The following HDAC9 variants were observed in gnomAD, a reference collection of about 807,000 sequenced individuals.
HDAC9 encodes MEF-2 interacting transcription repressor (MITR) protein.
Under a neutral mutation model 139.4 loss-of-function variants are expected in HDAC9, and 41 were observed. The observed-to-expected ratio is 0.29, with a 90% CI of 0.23 to 0.38. The LOEUF (loss-of-function observed/expected upper bound fraction) is 0.38. Among genes scored for constraint, HDAC9 ranks in the 10% least tolerant of loss-of-function variants. The probability of loss-of-function intolerance (pLI) is 1.00; values close to 1 mark genes in which losing one functional copy is unlikely to be tolerated. For missense variants in HDAC9, 1,147 were observed against 1,297.0 expected (o/e 0.88, Z 1.78); for synonymous variants, 517 against 476.2 (o/e 1.09, Z -1.12).
intron 9 of HDAC9, among the ~76,000 whole-genome samples, chr7:18,646,024 C>T (rs1295965934): frequency 6.6e-6 from 1 of 151,928 alleles, no homozygotes; most frequent in East Asian, 1.9e-4. Flanking sequence ...TTCAGCTATG[C>T]TCTTAAAATT....
At chr7:18,153,747 A>C (rs1435798984) in intron 1 of HDAC9, among the ~76,000 whole-genome samples, 1 of 152,202 alleles carries the variant, frequency 6.6e-6, no homozygotes, top group Non-Finnish European at 1.5e-5. Context: ...GATAAGGAGT[A>C]AACAGAATCA....
chr7:18,463,628 C>T (rs1257499338), intron 1 of HDAC9, among the ~76,000 whole-genome samples: 1 of 151,542 alleles, frequency 6.6e-6, no homozygotes. Flanking sequence ...CTGCAGTTAC[C>T]TTTTTAAAAA....
intron 2 of HDAC9, among the ~76,000 whole-genome samples, chr7:18,222,554 TA>T (rs1488276870): frequency 3.3e-5 from 5 of 152,156 alleles, no homozygotes; most frequent in African/African-American, 1.2e-4. Context: ...CAGTATACAT[TA>T]AAAAGTGAAT....
rs7795948 is a variant in HDAC9, at chr7:18,738,987, C to G, written c.1910-10018C>G. On this transcript the variant is annotated intron_variant, in intron 13 of 25. Transcript: ENST00000686413. ...TTTACTCTTTTTTCTCTAACCTTGT[C>G]TTCTCACTTCATTTCATTAATTTGA... Among the ~76,000 whole-genome samples, 405 of 152,254 alleles carry G rather than the reference C, an allele frequency of 2.7e-3. 2 individuals carry two copies. Among genetic ancestry groups the G allele is most frequent in the African/African-American group, 9.3e-3 (387 of 41,528 alleles).
chr7:18,180,387 T>G (rs1291800877), intron 2 of HDAC9, among the ~76,000 whole-genome samples: 1 of 152,190 alleles, frequency 6.6e-6, no homozygotes, highest in Non-Finnish European at 1.5e-5. Context: ...TGTTTTGTCA[T>G]TTTTGTCAAG....
chr7:18,945,888 T>C (rs549389716), intron 23 of HDAC9, among the ~76,000 whole-genome samples: 7 of 151,498 alleles, frequency 4.6e-5, no homozygotes, highest in Non-Finnish European at 7.4e-5. Context: ...AATACAAAAA[T>C]TAGCTGGGCG....
At chr7:18,330,922 A>C (rs1007946229) in intron 1 of HDAC9, among the ~76,000 whole-genome samples, 6 of 151,746 alleles carry the variant, frequency 4.0e-5, no homozygotes, top group African/African-American at 1.4e-4. Context: ...TACTAACACA[A>C]GGCAAATAAC....
chr7:18,807,850 C>T (rs1010645358), intron 17 of HDAC9: 9 of 152,120 alleles, frequency 5.9e-5, no homozygotes, highest in African/African-American at 2.2e-4. Flanking sequence ...AATGTGTAAT[C>T]TGTCCTGGAG....
chr7:18,533,926 T>A (rs1408902780), intron 2 of HDAC9, among the ~76,000 whole-genome samples: 12 of 152,176 alleles, frequency 7.9e-5, no homozygotes, highest in Admixed American at 7.9e-4. Context: ...TCAAAGAGTT[T>A]AAAATTTTTT....
chr7:18,218,048 G>A (rs1191089971), intron 2 of HDAC9, among the ~76,000 whole-genome samples: 1 of 152,170 alleles, frequency 6.6e-6, no homozygotes, highest in Non-Finnish European at 1.5e-5. Context: ...ATTGGCAAAA[G>A]ATGTTGGTTT....
chr7:18,805,488 A>C (rs1311608125), intron 17 of HDAC9, among the ~76,000 whole-genome samples: 3 of 152,184 alleles, frequency 2.0e-5, no homozygotes, highest in Non-Finnish European at 4.4e-5. Flanking sequence ...ACAGATGCAA[A>C]AACTGTTGGT....
chr7:18,463,440 CTATT>C (rs1794017123), intron 1 of HDAC9, among the ~76,000 whole-genome samples: 1 of 151,880 alleles, frequency 6.6e-6, no homozygotes, highest in African/African-American at 2.4e-5. Flanking sequence ...TTCAAATACT[CTATT>C]TACTTATATG....
At chr7:18,197,762 T>C (rs928824244) in intron 2 of HDAC9, among the ~76,000 whole-genome samples, 4 of 152,208 alleles carry the variant, frequency 2.6e-5, no homozygotes, top group Non-Finnish European at 4.4e-5. Context: ...TTCCCTAGCT[T>C]TAAGTGTTGT....
intron 25 of HDAC9, among the ~76,000 whole-genome samples, chr7:18,982,347 C>T (rs908127574): frequency 6.6e-6 from 1 of 152,088 alleles, no homozygotes; most frequent in African/African-American, 2.4e-5. Flanking sequence ...CAATACTTTT[C>T]CATTTCCATT....
intron 11 of HDAC9, among the ~76,000 whole-genome samples, chr7:18,658,625 T>G (rs1300185480): frequency 6.6e-6 from 1 of 152,106 alleles, no homozygotes; most frequent in Non-Finnish European, 1.5e-5. Flanking sequence ...TAATTTTGGT[T>G]CATCTGATTA....
Position 18,957,656 on chromosome 7 carries a change from C to A in HDAC9, c.3022+3426C>A, listed in dbSNP as rs192784842. On this transcript the variant is annotated intron_variant, in intron 24 of 25. Transcript: ENST00000686413. ...GGAGGGTAACAGCAAAGCACTGAAC[C>A]AAGCATGGGGTCTTTCTGAGAGTGG... is the stretch of plus-strand genomic sequence containing the variant. Among the ~76,000 whole-genome samples the A allele has an allele frequency of 2.8e-3, 433 of 152,194 alleles. 2 individuals carry two copies. The highest frequency in any genetic ancestry group is 9.8e-3 in the African/African-American group (406 of 41,536).
chr7:18,826,670 GT>G (rs146895865), intron 17 of HDAC9, among the ~76,000 whole-genome samples: 8 of 129,652 alleles, frequency 6.2e-5, no homozygotes, highest in Admixed American at 1.5e-4. Flanking sequence ...TTTTGGTTTT[GT>G]TTTTTTTTTA....
At chr7:18,917,640 C>A (rs1803324374) in intron 22 of HDAC9, among the ~76,000 whole-genome samples, 1 of 151,910 alleles carries the variant, frequency 6.6e-6, no homozygotes, top group Non-Finnish European at 1.5e-5. Context: ...TCTCCAGCAA[C>A]CATTTGCTGC....
chr7:18,207,539 C>CTTTTTTTTTTGTTTTTTTTTTTTT (rs1791616754), intron 2 of HDAC9, among the ~76,000 whole-genome samples: 1 of 53,730 alleles, frequency 1.9e-5, no homozygotes, highest in Admixed American at 3.3e-4. Context: ...CCCAAGGAGT[C>CTTTTTTTTTTGTTTTTTTTTTTTT]TTTTTTTTTT....
Sources: gnomAD v4.1 joint callset for allele counts (sites outside exome capture counted in the v4.1 genomes callset) on GRCh38, gnomAD v4.1.1 for gene constraint, MANE v1.5 for transcripts, NCBI Gene and HGNC (gene_info 2026-07-23, HGNC 2026-07-21) for gene names.